CIAO3: variants seen among roughly 807,000 people sequenced by gnomAD.
CIAO3 encodes the protein cytosolic iron-sulfur assembly component 3.
Under a neutral mutation model 51.5 loss-of-function variants are expected in CIAO3, and 45 were observed. That is an observed-to-expected ratio of 0.87 (90% CI 0.69 to 1.12). CIAO3 has a LOEUF of 1.12. Among genes scored for constraint, CIAO3 ranks in the 50% most tolerant of loss-of-function variants. The pLI is 0.00. For synonymous variants in CIAO3, 314 were observed against 269.3 expected (o/e 1.17, Z -1.63); for missense variants, 668 against 632.5 (o/e 1.06, Z -0.60).
intron 3 of CIAO3, 118 bp from the exon 4 acceptor site, chr16:736,516 G>A: frequency 8.4e-7 from 1 of 1,195,308 alleles, no homozygotes; most frequent in Non-Finnish European, 1.1e-6. Flanking sequence ...TCCATCAAGA[G>A]TCTTTTTTTT....
rs752793837 is a variant in CIAO3, at chr16:730,526, A to G, written c.1322T>C (p.Leu441Pro). 9 of 1,610,876 alleles carry G rather than the reference A, an allele frequency of 5.6e-6. No individual in the cohort carries two copies. The South Asian group carries it at 7.7e-5, about 14-fold the overall frequency. The change falls in exon 11 of 11, where the codon CTG (leucine) becomes CCG (proline). Residue 441 changes from leucine (L) to proline (P), a missense_variant. Physicochemically the swap from Leu to Pro is moderately conservative, Grantham distance 98. Transcript: ENST00000251588. ...CGTGCCCTGCAGCCAGTGTGTGTACAGCTCCTGAACCCCAGGCGCGTCCTC... is the reference window on the plus strand; with the variant it reads ...CGTGCCCTGCAGCCAGTGTGTGTACGGCTCCTGAACCCCAGGCGCGTCCTC... ...APEDAPGVQE[L>P]YTHWLQGTDS...
rs1325368229 is a variant in CIAO3 at position 740,947 on chromosome 16, G to T, written c.39C>A (p.Asp13Glu). 6.6e-7 allele frequency: 1 copy of T among 1,522,172 alleles called. No individual in the cohort carries two copies. Among genetic ancestry groups the T allele is most frequent in the Non-Finnish European group, 8.8e-7 (1 of 1,138,920 alleles). The allele number at this position is 1,522,172 out of a possible 1,614,324, so 94.3% of individuals were successfully genotyped here. The change falls in exon 1 of 11, where the codon GAC (aspartate) becomes GAA (glutamate). Residue 13 changes from aspartate (D) to glutamate (E), a missense_variant. Asp to Glu is a conservative substitution (Grantham distance 45). Coordinates refer to ENST00000251588, the MANE Select transcript of CIAO3 (RefSeq NM_022493.3). ...SPFSGALQLT[D>E]LDDFIGPSQE... ...GAGACGGCCCGATGAAGTCATCCAG[G>T]TCCGTCAGCTGCAGCGCCCCGCTGA...
rs776533706 is a variant in CIAO3 at position 730,623 on chromosome 16, G to C, written c.1225C>G (p.Pro409Ala). The change falls in exon 11 of 11, where the codon CCA becomes GCA. Residue 409 changes from proline to alanine, a missense_variant. Pro to Ala is a conservative substitution (Grantham distance 27). Transcript: ENST00000251588. ...AGGAGCTCTCTGCTGGGCCTGTCTG[G>C]GGCCTGGAGCTGGCCCCCGCCGTTC... ...CLNGGGQLQA[P>A]DRPSRELLQH... The C allele has an allele frequency of 6.2e-7, 1 of 1,610,098 alleles. No individual in the cohort carries two copies. Among genetic ancestry groups the C allele is most frequent in the Admixed American group, 1.7e-5 (1 of 60,030 alleles).
rs1292257541 is a variant in CIAO3 at position 730,835 on chromosome 16, G to A, written c.1192+8C>T. On this transcript the variant is annotated splice_region_variant and intron_variant, in intron 10 of 10. Transcript: ENST00000251588. ...GGGTCCTCGTGTCCTGTCCCTTGCAGGAGCTACCTGAGGGGCAGGCCATGA... is the reference window on the plus strand; with the variant it reads ...GGGTCCTCGTGTCCTGTCCCTTGCAAGAGCTACCTGAGGGGCAGGCCATGA... 1.2e-6 allele frequency: 2 copies of A among 1,612,364 alleles called. No individual in the cohort carries two copies. Among genetic ancestry groups the A allele is most frequent in the East Asian group, 4.5e-5 (2 of 44,886 alleles).
chr16:734,568 C>T, intron 5 of CIAO3, 169 bp downstream of exon 5: 1 of 1,261,720 alleles, frequency 7.9e-7, no homozygotes, highest in Non-Finnish European at 1.1e-6. Flanking sequence ...CACGGGAGGG[C>T]AGCCTCTTCT....
At chr16:740,649 G>C (rs540985452) in intron 1 of CIAO3, 29 of 515,988 alleles carry the variant, frequency 5.6e-5, no homozygotes, top group African/African-American at 5.5e-4. Flanking sequence ...GCGACCACGG[G>C]ACCCTCCCAC....
In CIAO3 at chr16:737,263, A is replaced by C. The variant is rs1206365801; in HGVS notation, c.229T>G (p.Cys77Gly). 1 of 1,613,518 alleles carries C rather than the reference A, an allele frequency of 6.2e-7. No homozygotes were observed. The highest frequency in any genetic ancestry group is 8.5e-7 in the Non-Finnish European group (1 of 1,180,008). The change falls in exon 3 of 11, where the codon TGC becomes GGC. Residue 77 changes from cysteine to glycine, a missense_variant. By Grantham distance (159) the Cys-to-Gly change is radical. Coordinates refer to ENST00000251588, the MANE Select transcript of CIAO3 (RefSeq NM_022493.3). This position sits in a 1 kb window ranked among gnomAD's most constrained non-coding sequence, Gnocchi z 5.3. ...SLNDCLACSG[C>G]ITSAETVLIT... ...AGCACGGTCTCTGCGGAGGTGATGCAGCCGCTGCACGCCAGGCAGTCGTTT... is the reference window on the plus strand; with the variant it reads ...AGCACGGTCTCTGCGGAGGTGATGCCGCCGCTGCACGCCAGGCAGTCGTTT...
chr16:739,667 G>A lies in CIAO3; in HGVS notation c.138C>T (p.Asp46=), dbSNP rs760539923. 9 of 1,613,992 alleles carry A rather than the reference G, an allele frequency of 5.6e-6. No individual in the cohort carries two copies. The highest frequency in any genetic ancestry group is 5.0e-5 in the Admixed American group (3 of 59,986). Residue 46 remains aspartate (D), a synonymous_variant, in exon 2 of 11, where the codon GAC becomes GAT. Coordinates refer to ENST00000251588, the MANE Select transcript of CIAO3 (RefSeq NM_022493.3). ...CTTGGTTAATTTGGAAGTAGCTCCC[G>A]TCATCTTCAATGCGAATCTTGGCCA... The part of the protein sequence containing the change: ...SGVAKIRIED[D]GSYFQINQDG...
At chr16:740,734 TG>T in intron 1 of CIAO3, 185 bp downstream of exon 1, 1 of 561,640 alleles carries the variant, frequency 1.8e-6, no homozygotes, top group South Asian at 2.2e-5. Context: ...GTTTCCTTGT[TG>T]GTAAGAAGCG....
At position 730,093 on chromosome 16, in the gene CIAO3, C is replaced by A; in HGVS notation, c.*324G>T. The A allele has an allele frequency of 4.3e-6, 2 of 470,200 alleles. No individual in the cohort carries two copies. Among genetic ancestry groups the A allele is most frequent in the Non-Finnish European group, 7.7e-6 (2 of 259,194 alleles). The allele number at this position is 470,200 out of a possible 1,614,324, so 29.1% of individuals were successfully genotyped here. A position where few individuals can be genotyped will look rare whatever the true frequency, so the allele number is the denominator to read the frequency against. ...CCCCGGGACAGGCTGAAGCCCCTCA[C>A]GCACTTGGGTGCCCGACCAGCAGCA... On this transcript the variant is annotated 3_prime_UTR_variant, in exon 11 of 11. Coordinates refer to ENST00000251588, the MANE Select transcript of CIAO3 (RefSeq NM_022493.3).
intron 7 of CIAO3, chr16:732,771 G>T: frequency 2.9e-6 from 1 of 344,616 alleles, no homozygotes; most frequent in Non-Finnish European, 5.7e-6. Flanking sequence ...CGAGTAGCTG[G>T]GATTACAGGA....
At chr16:732,031 C>T (rs999657633) in intron 8 of CIAO3, 2 of 530,222 alleles carry the variant, frequency 3.8e-6, no homozygotes, top group African/African-American at 3.8e-5. Context: ...TGGATTACCA[C>T]CATGTCTGGC....
rs751882844 is a variant in CIAO3, at chr16:734,313, G to A, written c.609C>T (p.Ser203=). 4.3e-6 allele frequency: 7 copies of A among 1,611,650 alleles called. No individual in the cohort carries two copies. In the South Asian group the frequency reaches 5.5e-5, roughly 13 times the overall value. The change falls in exon 6 of 11, where the codon AGC becomes AGT. Residue 203 remains serine (S), a synonymous_variant. Coordinates refer to ENST00000251588, the MANE Select transcript of CIAO3 (RefSeq NM_022493.3). The stretch of plus-strand genomic sequence containing the variant: ...CGGTGCTGATGTGGGGGAGGATGAA[G>A]CTGCCGTGAGTCTTCTCGGCATAGC... ...WICYAEKTHG[S]FILPHISTAR...
At chr16:733,551 C>T in intron 6 of CIAO3, 124 bp from the exon 7 acceptor site, 3 of 1,429,976 alleles carry the variant, frequency 2.1e-6, no homozygotes, top group Non-Finnish European at 2.9e-6. Context: ...CACTCCATTT[C>T]CCAGCAAGCC....
rs1271577199 is a variant in CIAO3, at chr16:737,611, C to T, written c.163-282G>A. 7.1e-7 allele frequency: 1 copy of T among 1,409,788 alleles called. No individual in the cohort carries two copies. The highest frequency in any genetic ancestry group is 3.5e-5 in the East Asian group (1 of 28,524). 87.3% of individuals were successfully genotyped at this position (1,409,788 alleles called of 1,614,324 possible). ...TATCTCAGCAAAGCAGCAGCCACCC[C>T]ACTCACCCATGGGGCCCTGGACGGG... On this transcript the variant is annotated intron_variant, in intron 2 of 10. Coordinates refer to ENST00000251588, the MANE Select transcript of CIAO3 (RefSeq NM_022493.3). This position sits in a 1 kb window ranked among gnomAD's most constrained non-coding sequence, Gnocchi z 5.3.
chr16:733,726 G>C (rs1027086449), intron 6 of CIAO3: 15 of 433,520 alleles, frequency 3.5e-5, no homozygotes, highest in Non-Finnish European at 6.0e-5. Flanking sequence ...AGCAGCCGGG[G>C]AAACGGATGT....
chr16:733,344 G>A lies in CIAO3; in HGVS notation c.777C>T (p.Phe259=), dbSNP rs1447693772. 6.2e-7 allele frequency: 1 copy of A among 1,613,856 alleles called. No homozygotes were observed. Among genetic ancestry groups the A allele is most frequent in the South Asian group, 1.1e-5 (1 of 91,090 alleles). ...KKLEASRPDF[F]NQEHQTRDVD... Reference sequence around the variant, plus strand: ...CATCCCGTGTCTGGTGCTCCTGGTTGAAAAAGTCGGGTCTGGAGGCTTCCA... The same window carrying A: ...CATCCCGTGTCTGGTGCTCCTGGTTAAAAAAGTCGGGTCTGGAGGCTTCCA... Residue 259 remains phenylalanine, a synonymous_variant, in exon 7 of 11, where the codon TTC becomes TTT. Transcript: ENST00000251588.
At position 737,475 on chromosome 16, in the gene CIAO3, G is replaced by A. The variant is rs904279965; in HGVS notation, c.163-146C>T. On this transcript the variant is annotated intron_variant, in intron 2 of 10. Coordinates refer to ENST00000251588, the MANE Select transcript of CIAO3 (RefSeq NM_022493.3). This position sits in a 1 kb window ranked among gnomAD's most constrained non-coding sequence, Gnocchi z 5.3. ...CGCTGAATTTTTAAAAATTAGGTAT[G>A]TATTACAAAAATGCACACGCACGCT... The A allele has an allele frequency of 2.6e-6, 4 of 1,526,888 alleles. No individual in the cohort carries two copies. Among genetic ancestry groups the A allele is most frequent in the Middle Eastern group, 1.7e-4 (1 of 5,852 alleles). The allele number at this position is 1,526,888 out of a possible 1,614,324, so 94.6% of individuals were successfully genotyped here.
At chr16:739,953 G>A in intron 1 of CIAO3, 5 of 1,437,696 alleles carry the variant, frequency 3.5e-6, no homozygotes, top group Non-Finnish European at 4.7e-6. Context: ...GAAGTTCCCA[G>A]TGTGCAGGAA....
Sources: gnomAD v4.1 joint callset for allele counts on GRCh38, gnomAD v4.1.1 for gene constraint, Gnocchi (gnomAD v3.1) non-coding constraint, MANE v1.5 for transcripts, NCBI Gene and HGNC (gene_info 2026-07-23, HGNC 2026-07-21) for gene names.